KCTD16: variants seen among roughly 807,000 people sequenced by gnomAD.
The protein encoded by KCTD16 is BTB/POZ domain-containing protein KCTD16.
In KCTD16, 13 loss-of-function variants were observed where a neutral mutation model predicts 33.2. That is an observed-to-expected ratio of 0.39 (90% CI 0.25 to 0.62). The LOEUF is 0.62. Ranked by LOEUF, KCTD16 falls within the 20% of genes least tolerant of loss-of-function variation. KCTD16 has a pLI of 0.50. For synonymous variants in KCTD16, 197 were observed against 195.3 expected (o/e 1.01, Z -0.07); for missense variants, 441 against 525.1 (o/e 0.84, Z 1.57).
chr5:144,217,846 CAAA>C (rs796330260), intron 3 of KCTD16, among the ~76,000 whole-genome samples: 1 of 134,932 alleles, frequency 7.4e-6, no homozygotes. Context: ...ACATGCAGAC[CAAA>C]AAAAAAAAAA....
At chr5:144,189,431 G>A (rs892939841) in intron 2 of KCTD16, among the ~76,000 whole-genome samples, 1 of 151,228 alleles carries the variant, frequency 6.6e-6, no homozygotes, top group African/African-American at 2.4e-5. Flanking sequence ...GGGAGGCGGA[G>A]CTTGCAGTGA....
At chr5:144,265,630 T>C (rs1219930627) in intron 3 of KCTD16, among the ~76,000 whole-genome samples, 1 of 152,320 alleles carries the variant, frequency 6.6e-6, no homozygotes, top group East Asian at 1.9e-4. Flanking sequence ...CCCAAAACTG[T>C]GCTTGGTTCT....
intron 3 of KCTD16, among the ~76,000 whole-genome samples, chr5:144,300,134 T>C (rs1001316040): frequency 2.0e-5 from 3 of 152,170 alleles, no homozygotes; most frequent in African/African-American, 7.2e-5. Flanking sequence ...CACATGTTTG[T>C]ATTATTAATA....
intron 3 of KCTD16, among the ~76,000 whole-genome samples, chr5:144,259,476 G>A (rs1411784427): frequency 6.6e-6 from 1 of 152,126 alleles, no homozygotes; most frequent in East Asian, 1.9e-4. Context: ...TACAGAACCA[G>A]TACCTGGACT....
intron 3 of KCTD16, among the ~76,000 whole-genome samples, chr5:144,408,619 G>A (rs1752864810): frequency 6.6e-6 from 1 of 152,130 alleles, no homozygotes; most frequent in Non-Finnish European, 1.5e-5. Flanking sequence ...GGTAAAAAAT[G>A]TCTTGAAGGT....
chr5:144,265,526 G>A (rs1043547917), intron 3 of KCTD16, among the ~76,000 whole-genome samples: 7 of 152,140 alleles, frequency 4.6e-5, no homozygotes, highest in African/African-American at 1.7e-4. Context: ...TCCTGCCCAT[G>A]CCTCTGGCTT....
intron 3 of KCTD16, among the ~76,000 whole-genome samples, chr5:144,382,459 C>T (rs1320336648): frequency 6.6e-6 from 1 of 152,072 alleles, no homozygotes; most frequent in Admixed American, 6.5e-5. Context: ...GGAAGGCTCC[C>T]TGGATTCTAT....
chr5:144,411,271 G>A (rs1013866903), intron 3 of KCTD16, among the ~76,000 whole-genome samples: 6 of 152,074 alleles, frequency 3.9e-5, no homozygotes, highest in Non-Finnish European at 8.8e-5. Flanking sequence ...ATCACACTAT[G>A]TGACTTCAAA....
chr5:144,224,393 T>TTG (rs1037243055), intron 3 of KCTD16, among the ~76,000 whole-genome samples: 4 of 149,478 alleles, frequency 2.7e-5, no homozygotes, highest in Non-Finnish European at 4.5e-5. Flanking sequence ...GTTTTTTTTT[T>TTG]TTTTTTTTTT....
chr5:144,294,343 G>T (rs1014499386), intron 3 of KCTD16, among the ~76,000 whole-genome samples: 1 of 152,132 alleles, frequency 6.6e-6, no homozygotes, highest in Non-Finnish European at 1.5e-5. Flanking sequence ...ACTAATCAAA[G>T]ATATGGTGGT....
chr5:144,476,291 G>T lies in KCTD16; in HGVS notation c.*2177G>T, dbSNP rs1474505733. On this transcript the variant is annotated 3_prime_UTR_variant, in exon 4 of 4. Transcript: ENST00000512467. The stretch of plus-strand genomic sequence containing the variant: ...TGGGGGTCTAACTAAAATGGCCAAA[G>T]TTCCAACTTCCTTAAATTTCAGACC... 1.3e-5 allele frequency: 2 copies of T among 152,168 alleles called. No homozygotes were observed. The highest frequency in any genetic ancestry group is 4.8e-5 in the African/African-American group (2 of 41,456). 9.4% of individuals were successfully genotyped at this position (152,168 alleles called of 1,614,324 possible). A position where few individuals can be genotyped will look rare whatever the true frequency, so the allele number is the denominator to read the frequency against.
intron 3 of KCTD16, among the ~76,000 whole-genome samples, chr5:144,330,685 A>G (rs1752336285): frequency 6.6e-6 from 1 of 152,128 alleles, no homozygotes; most frequent in Admixed American, 6.6e-5. Context: ...GACATATTAC[A>G]ACATTGATTA....
intron 3 of KCTD16, among the ~76,000 whole-genome samples, chr5:144,332,741 A>G (rs1289807827): frequency 6.6e-6 from 1 of 152,188 alleles, no homozygotes; most frequent in Non-Finnish European, 1.5e-5. Flanking sequence ...GCATCCTTCA[A>G]AGAAACAGCC....
intron 3 of KCTD16, among the ~76,000 whole-genome samples, chr5:144,233,902 T>C (rs1754175953): frequency 6.6e-6 from 1 of 152,090 alleles, no homozygotes; most frequent in Admixed American, 6.6e-5. Flanking sequence ...TGCTAATTAG[T>C]ACTGGGCTAT....
intron 3 of KCTD16, among the ~76,000 whole-genome samples, chr5:144,298,093 C>T (rs1018897927): frequency 2.6e-5 from 4 of 152,274 alleles, no homozygotes; most frequent in East Asian, 1.9e-4. Context: ...GCTAAGTGCC[C>T]GGGTTCATCC....
intron 3 of KCTD16, among the ~76,000 whole-genome samples, chr5:144,308,135 A>G (rs1284983107): frequency 2.0e-5 from 3 of 152,222 alleles, no homozygotes; most frequent in Non-Finnish European, 4.4e-5. Context: ...GGGCAGCCTT[A>G]TTAATAGCTA....
At chr5:144,230,261 C>G (rs1754062440) in intron 3 of KCTD16, among the ~76,000 whole-genome samples, 1 of 152,182 alleles carries the variant, frequency 6.6e-6, no homozygotes, top group African/African-American at 2.4e-5. Context: ...GCATTTTCGT[C>G]TTTGCCAGTA....
At chr5:144,347,456 G>A (rs11167854) in intron 3 of KCTD16, among the ~76,000 whole-genome samples, 2 of 152,278 alleles carry the variant, frequency 1.3e-5, no homozygotes, top group East Asian at 1.9e-4. Flanking sequence ...TTAGCCAGAT[G>A]TGGTGGCAAG....
chr5:144,299,898 T>TAAAAAAAAAAAAAAAAAAAAAA (rs66821172), intron 3 of KCTD16, among the ~76,000 whole-genome samples: 1 of 128,892 alleles, frequency 7.8e-6, no homozygotes, highest in African/African-American at 3.0e-5. Flanking sequence ...CAGAATCATT[T>TAAAAAAAAAAAAAAAAAAAAAA]AAAAAAAAAA....
Sources: allele counts gnomAD v4.1 joint callset (sites outside exome capture counted in the v4.1 genomes callset), GRCh38; gene constraint gnomAD v4.1.1; transcripts MANE v1.5; gene names NCBI Gene and HGNC (gene_info 2026-07-23, HGNC 2026-07-21).